Variants in CDC20B observed in about 807,000 individuals in gnomAD.
The protein encoded by CDC20B is cell division cycle protein 20 homolog B.
CDC20B carries 58 observed loss-of-function variants against 64.1 expected under a neutral mutation model. The observed-to-expected ratio is 0.90, with a 90% confidence interval of 0.73 to 1.13. The LOEUF (loss-of-function observed/expected upper bound fraction) is 1.13, where lower values mean the gene tolerates loss of function less well. CDC20B is among the 50% of genes most tolerant of loss of function. The pLI is 0.00. For missense variants in CDC20B, 597 were observed against 633.0 expected, an observed-to-expected ratio of 0.94 and a Z score of 0.61; for synonymous variants, 243 against 230.6, an observed-to-expected ratio of 1.05 and a Z score of -0.49.
At position 55,128,578 on chromosome 5, in the gene CDC20B, G is replaced by A. The variant is rs1379606514; in HGVS notation, c.737C>T (p.Ala246Val). The change falls in exon 7 of 12, where the codon GCC becomes GTC. Residue 246 changes from alanine to valine, a missense_variant. By Grantham distance (64) the Ala-to-Val change is moderately conservative (BLOSUM62 0). Around this residue, in one of 3 missense-constraint regions of CDC20B, gnomAD observed 353 missense variants for 397.0 expected, o/e 0.89. Transcript: ENST00000381375. Reference protein sequence around the residue: ...ILDWSFQNLVAIALGSAVYIW... With the variant: ...ILDWSFQNLVVIALGSAVYIW... ...GTATACAGCAGAGCCCAGGGCTATG[G>A]CAACAAGATTCTGAAAACTCCAATC... The A allele has an allele frequency of 6.4e-7, 1 of 1,573,584 alleles. No individual in the cohort carries two copies. The highest frequency in any genetic ancestry group is 1.4e-5 in the African/African-American group (1 of 71,916).
chr5:55,125,128 CT>C (rs1580339808), intron 8 of CDC20B, 100 bp from the exon 9 acceptor site: 3 of 870,076 alleles, frequency 3.4e-6, no homozygotes, highest in South Asian at 1.7e-5. Context: ...TGAAAGACCC[CT>C]AGGACAGATT....
At chr5:55,154,206 C>A (rs1340145749) in intron 2 of CDC20B, among the ~76,000 whole-genome samples, 2 of 152,124 alleles carry the variant, frequency 1.3e-5, no homozygotes, top group Non-Finnish European at 2.9e-5. Context: ...ACCTGGGGTG[C>A]TTAGTCTAGG....
chr5:55,156,107 G>A (rs1032384659), intron 2 of CDC20B, among the ~76,000 whole-genome samples: 3 of 152,142 alleles, frequency 2.0e-5, no homozygotes, highest in Non-Finnish European at 2.9e-5. Flanking sequence ...AGGAGCAAAG[G>A]CATGTCTTAC....
intron 2 of CDC20B, chr5:55,160,663 T>A (rs191411128): frequency 2.1e-6 from 1 of 478,154 alleles, no homozygotes; most frequent in East Asian, 3.6e-5. Flanking sequence ...TAGTTAGTAA[T>A]GTGAACATGA....
intron 6 of CDC20B, among the ~76,000 whole-genome samples, chr5:55,132,441 T>C (rs1309909043): frequency 1.3e-5 from 2 of 152,194 alleles, no homozygotes; most frequent in East Asian, 3.8e-4. Flanking sequence ...TGCTTCTATG[T>C]CTGATTGTCT....
chr5:55,145,811 CCT>C (rs1743456570), intron 3 of CDC20B, among the ~76,000 whole-genome samples: 1 of 151,646 alleles, frequency 6.6e-6, no homozygotes, highest in African/African-American at 2.4e-5. Flanking sequence ...TCCCCTCATC[CCT>C]CTCTCTTGCT....
At chr5:55,164,261 G>A (rs751804749) in intron 2 of CDC20B, 1 of 1,415,950 alleles carries the variant, frequency 7.1e-7, no homozygotes, top group Admixed American at 2.3e-5. Context: ...ATGTCTCCAT[G>A]AGGGTTTGGT....
In CDC20B at chr5:55,114,362, T is replaced by C. The variant is rs375974385; in HGVS notation, c.1460-44A>G. The C allele has an allele frequency of 5.0e-6, 8 of 1,607,712 alleles. No homozygotes were observed. The highest frequency in any genetic ancestry group is 1.7e-5 in the Admixed American group (1 of 59,386). ...ACAGTTCATACTCCTCCACGTTACA[T>C]GGGCTGCTGCTCAGGACTGTAGGCA... On this transcript the variant is annotated intron_variant, in intron 11 of 11. Coordinates refer to ENST00000381375, the MANE Select transcript of CDC20B (RefSeq NM_001170402.1). The surrounding 1 kb of genome is among the most constrained non-coding windows in gnomAD (Gnocchi z 4.1).
At position 55,143,544 on chromosome 5, in the gene CDC20B, T is replaced by C; in HGVS notation, c.455A>G (p.Asp152Gly). 1 of 1,609,656 alleles carries C rather than the reference T, an allele frequency of 6.2e-7. No individual in the cohort carries two copies. The highest frequency in any genetic ancestry group is 1.7e-4 in the Middle Eastern group (1 of 6,044). ...TTTTGAGGCAACACTTTCTTTCCAG[T>C]CTCTGTCCATTGCATGAGGTGCCTT... Reference protein sequence around the residue: ...FCKAPHAMDRDWKESVASKGQ... With the variant: ...FCKAPHAMDRGWKESVASKGQ... The change falls in exon 4 of 12, where the codon GAC (aspartate) becomes GGC (glycine). Residue 152 changes from aspartate to glycine, a missense_variant. Physicochemically the swap from Asp to Gly is moderately conservative, Grantham distance 94 (BLOSUM62 -1). This residue lies in a region of CDC20B where 241 missense variants were observed against 219.2 expected (regional missense o/e 1.10). Coordinates refer to ENST00000381375, the MANE Select transcript of CDC20B (RefSeq NM_001170402.1).
chr5:55,162,363 C>T (rs1367577461), intron 2 of CDC20B, among the ~76,000 whole-genome samples: 1 of 152,180 alleles, frequency 6.6e-6, no homozygotes, highest in Non-Finnish European at 1.5e-5. Context: ...CTACTGCACT[C>T]CAGCCTGGGC....
intron 5 of CDC20B, among the ~76,000 whole-genome samples, chr5:55,135,458 G>A (rs1174727927): frequency 6.6e-6 from 1 of 152,106 alleles, no homozygotes. Context: ...TTGCTTTTAA[G>A]AAAATATCAT....
intron 2 of CDC20B, among the ~76,000 whole-genome samples, chr5:55,171,386 T>C (rs945501856): frequency 1.3e-5 from 2 of 152,218 alleles, no homozygotes; most frequent in Non-Finnish European, 2.9e-5. Flanking sequence ...AGACTACTTG[T>C]CTGTATTAGA....
chr5:55,168,446 C>A (rs1307480362), intron 2 of CDC20B, among the ~76,000 whole-genome samples: 1 of 152,030 alleles, frequency 6.6e-6, no homozygotes, highest in Admixed American at 6.6e-5. Flanking sequence ...GTGTGTATCC[C>A]TTTCTTTCCC....
At chr5:55,134,997 G>A (rs1743124332) in intron 5 of CDC20B, among the ~76,000 whole-genome samples, 1 of 152,158 alleles carries the variant, frequency 6.6e-6, no homozygotes, top group Non-Finnish European at 1.5e-5. Context: ...CAAACCCATA[G>A]AATACATAAC....
intron 2 of CDC20B, among the ~76,000 whole-genome samples, chr5:55,149,860 G>A (rs1448356728): frequency 6.6e-6 from 1 of 152,172 alleles, no homozygotes; most frequent in African/African-American, 2.4e-5. Flanking sequence ...TTGGCCAGGT[G>A]CAGTGGCTCA....
In CDC20B at chr5:55,114,017, AAGC is replaced by A. The variant is rs1237371905; in HGVS notation, c.*198_*200del. ...GGGAGGAAGAGGGGCAGAAAGAAGA[AAGC>A]AGAGAAGAAAAGAAGCGGATCTCTG... On this transcript the variant is annotated 3_prime_UTR_variant, in exon 12 of 12. Coordinates refer to ENST00000381375, the MANE Select transcript of CDC20B (RefSeq NM_001170402.1). The surrounding 1 kb of genome is among the most constrained non-coding windows in gnomAD (Gnocchi z 4.1). 2 of 906,388 alleles carry A rather than the reference AAGC, an allele frequency of 2.2e-6. No individual in the cohort carries two copies. The highest frequency in any genetic ancestry group is 3.1e-5 in the East Asian group (1 of 32,422). 56.1% of individuals were successfully genotyped at this position (906,388 alleles called of 1,614,324 possible). A position where few individuals can be genotyped will look rare whatever the true frequency, so the allele number is the denominator to read the frequency against.
chr5:55,154,024 C>T (rs142607522), intron 2 of CDC20B, among the ~76,000 whole-genome samples: 6 of 152,240 alleles, frequency 3.9e-5, no homozygotes, highest in East Asian at 3.9e-4. Context: ...GTCTCTGCAC[C>T]GCTCAGAACA....
intron 2 of CDC20B, among the ~76,000 whole-genome samples, chr5:55,154,942 A>T (rs999579511): frequency 6.6e-6 from 1 of 152,220 alleles, no homozygotes; most frequent in East Asian, 1.9e-4. Context: ...TCCTTCAATG[A>T]CTGCAGTGAA....
In CDC20B at chr5:55,120,554, T is replaced by G; in HGVS notation, c.1216-4A>C. The stretch of plus-strand genomic sequence containing the variant: ...GCCAGGGACACCAATCCATGGCCTT[T>G]AAAGTTTCACATAATAGCACAGACA... On this transcript the variant is annotated splice_polypyrimidine_tract_variant and splice_region_variant and intron_variant, in intron 9 of 11. Transcript: ENST00000381375. 1 of 1,613,008 alleles carries G rather than the reference T, an allele frequency of 6.2e-7. No homozygotes were observed. Among genetic ancestry groups the G allele is most frequent in the Non-Finnish European group, 8.5e-7 (1 of 1,179,320 alleles).
Sources: gnomAD v4.1 joint callset for allele counts (sites outside exome capture counted in the v4.1 genomes callset) on GRCh38, gnomAD v4.1.1 for gene constraint, gnomAD v4.1.1 regional missense constraint, Gnocchi (gnomAD v3.1) non-coding constraint, MANE v1.5 for transcripts, NCBI Gene and HGNC (gene_info 2026-07-23, HGNC 2026-07-21) for gene names.